Variants in EPM2A observed in about 807,000 individuals in gnomAD.
EPM2A encodes the protein EPM2A glucan phosphatase, laforin, also known as laforin.
A neutral mutation model predicts 26.5 loss-of-function variants in EPM2A; 21 were observed. The observed-to-expected ratio is 0.79, with a 90% CI of 0.56 to 1.14. EPM2A has a LOEUF of 1.14. Ranked by LOEUF, EPM2A falls within the 50% of genes most tolerant of loss-of-function variation. The probability of loss-of-function intolerance (pLI) is 0.00; values close to 1 mark genes in which losing one functional copy is unlikely to be tolerated. For missense variants in EPM2A, 458 were observed against 440.8 expected (o/e 1.04, Z -0.35); for synonymous variants, 217 against 177.6 (o/e 1.22, Z -1.76).
At chr6:145,662,392 AG>A (rs1293797348) in intron 2 of EPM2A, among the ~76,000 whole-genome samples, 2 of 152,166 alleles carry the variant, frequency 1.3e-5, no homozygotes, top group African/African-American at 4.8e-5. Context: ...TTTTAGCTTT[AG>A]GTTTCTCATT....
intron 4 of EPM2A, among the ~76,000 whole-genome samples, chr6:145,425,677 T>G (rs1281003484): frequency 1.3e-5 from 2 of 152,020 alleles, no homozygotes; most frequent in African/African-American, 2.4e-5. Context: ...AATATTGCAT[T>G]TGTCATTTAC....
rs796624892 is a variant in EPM2A at position 145,545,332 on chromosome 6, GCA to G, written c.341-42759_341-42758del. Among the ~76,000 whole-genome samples the G allele has an allele frequency of 3.3e-5, 5 of 152,244 alleles. No individual in the cohort carries two copies. In the East Asian group the frequency reaches 7.7e-4, roughly 24 times the overall value. On this transcript the variant is annotated intron_variant, in intron 2 of 3. Transcript: ENST00000450221. ...TGGGCATACTCTTCTAATGACTTGT[GCA>G]GAGTCAAGAAGCCAAGTCAAATCAT...
chr6:145,440,660 T>C (rs1779050014), intron 4 of EPM2A, among the ~76,000 whole-genome samples: 1 of 152,148 alleles, frequency 6.6e-6, no homozygotes, highest in Non-Finnish European at 1.5e-5. Flanking sequence ...CCATTCCAAA[T>C]GGGAGAAACT....
At chr6:145,733,002 C>T (rs1776578127) in intron 1 of EPM2A, among the ~76,000 whole-genome samples, 1 of 152,204 alleles carries the variant, frequency 6.6e-6, no homozygotes. Context: ...TGCTCTTAAA[C>T]ACTTGGCTAC....
intron 2 of EPM2A, among the ~76,000 whole-genome samples, chr6:145,599,031 A>T (rs1023066926): frequency 6.6e-6 from 1 of 152,170 alleles, no homozygotes; most frequent in Non-Finnish European, 1.5e-5. Context: ...GTCTGAAGTC[A>T]GGTAACATGA....
At chr6:145,452,418 G>A (rs893937857) in intron 4 of EPM2A, among the ~76,000 whole-genome samples, 1 of 148,894 alleles carries the variant, frequency 6.7e-6, no homozygotes, top group Admixed American at 6.8e-5. Flanking sequence ...GGCCGAGGCG[G>A]GCAGAGCACG....
rs1033490447 is a variant in EPM2A at position 145,609,230 on chromosome 6, G to A, written c.340+26015C>T. Among the ~76,000 whole-genome samples, 7 of 152,268 alleles carry A rather than the reference G, an allele frequency of 4.6e-5. No homozygotes were observed. In the East Asian group the frequency reaches 1.3e-3, roughly 29 times the overall value. On this transcript the variant is annotated intron_variant, in intron 2 of 3. Coordinates refer to the EPM2A transcript ENST00000450221. ...TAAAATAAATAGGAGAGCAGAACTT[G>A]ACCAGTGAATATACCTAATCTAACA...
intron 2 of EPM2A, among the ~76,000 whole-genome samples, chr6:145,514,155 A>C (rs1159567923): frequency 6.6e-6 from 1 of 152,224 alleles, no homozygotes; most frequent in Non-Finnish European, 1.5e-5. Context: ...AGTCTAAAAA[A>C]TGTAGTGGAG....
At chr6:145,444,731 C>A (rs1779109384) in intron 4 of EPM2A, among the ~76,000 whole-genome samples, 1 of 152,096 alleles carries the variant, frequency 6.6e-6, no homozygotes, top group Admixed American at 6.6e-5. Flanking sequence ...CATTAGCACG[C>A]TATCTTATTT....
At chr6:145,397,043 C>T (rs923214553) in intron 4 of EPM2A, among the ~76,000 whole-genome samples, 1 of 152,184 alleles carries the variant, frequency 6.6e-6, no homozygotes, top group African/African-American at 2.4e-5. Context: ...GCAAAAATCA[C>T]AAAAACATTT....
intron 4 of EPM2A, among the ~76,000 whole-genome samples, chr6:145,486,496 A>G (rs1278345167): frequency 6.6e-6 from 1 of 152,144 alleles, no homozygotes; most frequent in Admixed American, 6.5e-5. Flanking sequence ...TCCCTAATAC[A>G]ATACACTGTT....
intron 4 of EPM2A, among the ~76,000 whole-genome samples, chr6:145,477,600 C>T (rs1779558574): frequency 6.6e-6 from 1 of 151,726 alleles, no homozygotes; most frequent in Non-Finnish European, 1.5e-5. Context: ...GAGGGACTTA[C>T]CTCTGGGATG....
At chr6:145,454,659 T>C (rs988517544) in intron 4 of EPM2A, among the ~76,000 whole-genome samples, 1 of 152,218 alleles carries the variant, frequency 6.6e-6, no homozygotes, top group African/African-American at 2.4e-5. Context: ...AATTCTTCTT[T>C]GATTTTCTAT....
chr6:145,441,226 G>C (rs1386856407), intron 4 of EPM2A, among the ~76,000 whole-genome samples: 1 of 152,188 alleles, frequency 6.6e-6, no homozygotes, highest in Admixed American at 6.5e-5. Context: ...CTGAAGCCAT[G>C]GCCCAACTTG....
chr6:145,434,725 C>A (rs114969108), intron 4 of EPM2A, among the ~76,000 whole-genome samples: 4 of 152,114 alleles, frequency 2.6e-5, no homozygotes, highest in Non-Finnish European at 5.9e-5. Context: ...AATGCCAGGG[C>A]GTTTCTATTA....
intron 2 of EPM2A, among the ~76,000 whole-genome samples, chr6:145,566,870 G>T (rs573315077): frequency 6.6e-6 from 1 of 152,324 alleles, no homozygotes; most frequent in East Asian, 1.9e-4. Flanking sequence ...AATTAGGAAA[G>T]AAAATTGCCT....
intron 2 of EPM2A, chr6:145,679,983 AAG>A (rs1318458958): frequency 6.6e-6 from 1 of 152,190 alleles, no homozygotes; most frequent in African/African-American, 2.4e-5. Context: ...AGGAGAAGAA[AAG>A]AGAGCTAGAT....
intron 2 of EPM2A, among the ~76,000 whole-genome samples, chr6:145,519,214 A>C (rs1324332088): frequency 2.0e-5 from 3 of 152,182 alleles, no homozygotes; most frequent in Non-Finnish European, 4.4e-5. Flanking sequence ...GTTGATTAGG[A>C]AAAAAAGCTC....
intron 2 of EPM2A, among the ~76,000 whole-genome samples, chr6:145,530,247 G>T (rs989216511): frequency 2.0e-5 from 3 of 152,132 alleles, no homozygotes; most frequent in Non-Finnish European, 4.4e-5. Flanking sequence ...AGTGTGGCTG[G>T]AACAATCTGG....
Sources: gnomAD v4.1 joint callset for allele counts (sites outside exome capture counted in the v4.1 genomes callset) on GRCh38, gnomAD v4.1.1 for gene constraint, MANE v1.5 for transcripts, NCBI Gene and HGNC (gene_info 2026-07-23, HGNC 2026-07-21) for gene names.